The following ABL2 variants were observed in gnomAD, a reference collection of about 807,000 sequenced individuals.
The protein encoded by ABL2 is ABL proto-oncogene 2, non-receptor tyrosine kinase, also known as tyrosine-protein kinase ABL2.
Under a neutral mutation model 107.7 loss-of-function variants are expected in ABL2, and 49 were observed. The observed-to-expected ratio is 0.45, with a 90% CI of 0.36 to 0.58. The LOEUF is 0.58. ABL2 is among the 20% of genes least tolerant of loss of function. The pLI, the probability that ABL2 is intolerant of heterozygous loss-of-function variation, is 0.00. For synonymous variants in ABL2, 549 were observed against 548.6 expected, an observed-to-expected ratio of 1.00 and a Z score of -0.01; for missense variants, 1,245 against 1,457.0, an observed-to-expected ratio of 0.85 and a Z score of 2.37.
chr1:179,172,437 G>C (rs1659773861), intron 1 of ABL2, among the ~76,000 whole-genome samples: 1 of 152,176 alleles, frequency 6.6e-6, no homozygotes, highest in African/African-American at 2.4e-5. Context: ...GGTAACAGGA[G>C]AAAGAGAATG....
chr1:179,229,192 C>T (rs1237651372), intron 1 of ABL2, 49 bp downstream of exon 1: 3 of 1,106,910 alleles, frequency 2.7e-6, no homozygotes, highest in African/African-American at 1.7e-5. Context: ...GCCCCGACCC[C>T]ACCCCCGGCC....
At chr1:179,160,136 A>G (rs1658974116) in intron 1 of ABL2, among the ~76,000 whole-genome samples, 1 of 152,116 alleles carries the variant, frequency 6.6e-6, no homozygotes, top group Admixed American at 6.6e-5. Flanking sequence ...AAAAACATAC[A>G]TAACTTGTAT....
In ABL2 at chr1:179,121,695, T is replaced by G; in HGVS notation, c.860A>C (p.Asp287Ala). The change falls in exon 5 of 12, where the codon GAT (aspartate) becomes GCT (alanine). Residue 287 changes from aspartate to alanine, a missense_variant. Asp to Ala is a moderately radical substitution (Grantham distance 126). This residue lies in a region of ABL2 where 320 missense variants were observed against 547.0 expected (regional missense o/e 0.59). Transcript: ENST00000502732. The stretch of plus-strand genomic sequence containing the variant: ...CCCAAGTTTGTGCTTCATGGTAATA[T>G]CTGTTCGCTCCATTTCCCATTTGTC... ...IHDKWEMERT[D>A]ITMKHKLGGG... is the part of the protein sequence containing the mutation. 1 of 1,614,160 alleles carries G rather than the reference T, an allele frequency of 6.2e-7. No homozygotes were observed. The highest frequency in any genetic ancestry group is 8.5e-7 in the Non-Finnish European group (1 of 1,180,032).
chr1:179,184,498 A>T, intron 1 of ABL2: 1 of 760,452 alleles, frequency 1.3e-6, no homozygotes, highest in Non-Finnish European at 2.2e-6. Context: ...AAGTTCATCA[A>T]AGATGACATT....
At chr1:179,124,672 T>C (rs1262401023) in intron 4 of ABL2, among the ~76,000 whole-genome samples, 2 of 151,914 alleles carry the variant, frequency 1.3e-5, no homozygotes, top group African/African-American at 4.8e-5. Flanking sequence ...TTTCACCATG[T>C]TTGTGGGGCT....
intron 9 of ABL2, among the ~76,000 whole-genome samples, chr1:179,113,625 C>T (rs28913877): frequency 0.053 from 8,106 of 152,044 alleles, 288 homozygotes; most frequent in Middle Eastern, 0.11. Context: ...CATGGTGAAA[C>T]CTTGTCTCTA....
Position 179,106,289 on chromosome 1 carries a change from T to TAAGG in ABL2, c.*1425_*1428dup. 4.4e-6 allele frequency: 1 copy of TAAGG among 228,664 alleles called. No individual in the cohort carries two copies. The highest frequency in any genetic ancestry group is 1.3e-3 in the Middle Eastern group (1 of 770). The allele number at this position is 228,664 out of a possible 1,614,324, so 14.2% of individuals were successfully genotyped here. ...CCTAATTAGCTTCCACAATTATAAC[T>TAAGG]AAGGAAGGAAGGAAAAGGCCTATTT... On this transcript the variant is annotated 3_prime_UTR_variant, in exon 12 of 12. Coordinates refer to ENST00000502732, the MANE Select transcript of ABL2 (RefSeq NM_007314.4).
chr1:179,109,621 T>C lies in ABL2; in HGVS notation c.1826-180A>G, dbSNP rs28913885. Among the ~76,000 whole-genome samples, 343 of 151,954 alleles carry C rather than the reference T, an allele frequency of 2.3e-3. 1 individual carries two copies. The highest frequency in any genetic ancestry group is 8.1e-3 in the African/African-American group (334 of 41,442). On this transcript the variant is annotated intron_variant, in intron 11 of 11. Coordinates refer to ENST00000502732, the MANE Select transcript of ABL2 (RefSeq NM_007314.4). Reference sequence around the variant, plus strand: ...AGTGACTGGTGTTCCAAATGTGATGTAAGTTAAAAATGGGGGAAGATAGGG... The same window carrying C: ...AGTGACTGGTGTTCCAAATGTGATGCAAGTTAAAAATGGGGGAAGATAGGG...
chr1:179,120,509 C>T (rs909244331), intron 5 of ABL2, among the ~76,000 whole-genome samples: 1 of 152,148 alleles, frequency 6.6e-6, no homozygotes, highest in Admixed American at 6.5e-5. Context: ...ACTGCAACCT[C>T]CGCTTCCTGG....
At chr1:179,181,946 ATTTT>A (rs34828452) in intron 1 of ABL2, among the ~76,000 whole-genome samples, 1 of 91,208 alleles carries the variant, frequency 1.1e-5, no homozygotes, top group East Asian at 3.4e-4. Context: ...AGGCCCGGCT[ATTTT>A]TTTTTTTTTT....
At chr1:179,222,983 G>A (rs913654756) in intron 1 of ABL2, among the ~76,000 whole-genome samples, 9 of 151,532 alleles carry the variant, frequency 5.9e-5, no homozygotes, top group African/African-American at 2.2e-4. Context: ...GGTGGCAGCC[G>A]CCTGTAATCC....
At chr1:179,204,252 C>A (rs1307561152) in intron 1 of ABL2, among the ~76,000 whole-genome samples, 1 of 151,708 alleles carries the variant, frequency 6.6e-6, no homozygotes, top group Non-Finnish European at 1.5e-5. Flanking sequence ...ATCTCGAACT[C>A]CTGACCTCAG....
Position 179,107,693 on chromosome 1 carries a change from C to A in ABL2, c.*25G>T. The stretch of plus-strand genomic sequence containing the variant: ...TTCCCTCTCCCCTCAGAAATGTGTG[C>A]ATTTTCCCACCAGGCTAACAGTGGC... On this transcript the variant is annotated 3_prime_UTR_variant, in exon 12 of 12. Transcript: ENST00000502732. 2 of 1,565,254 alleles carry A rather than the reference C, an allele frequency of 1.3e-6. No homozygotes were observed. Among genetic ancestry groups the A allele is most frequent in the Admixed American group, 1.9e-5 (1 of 53,674 alleles).
intron 3 of ABL2, among the ~76,000 whole-genome samples, chr1:179,127,218 A>AAT (rs1367232393): frequency 6.6e-6 from 1 of 152,218 alleles, no homozygotes; most frequent in African/African-American, 2.4e-5. Context: ...ACAAAAAAAA[A>AAT]CACGGACCAC....
At chr1:179,193,585 T>C (rs1308954812) in intron 1 of ABL2, among the ~76,000 whole-genome samples, 2 of 152,104 alleles carry the variant, frequency 1.3e-5, no homozygotes, top group African/African-American at 4.8e-5. Flanking sequence ...TTTGTATTTT[T>C]AGTAGAGATG....
chr1:179,188,905 G>C (rs545996571), intron 1 of ABL2, among the ~76,000 whole-genome samples: 20 of 152,236 alleles, frequency 1.3e-4, no homozygotes, highest in African/African-American at 4.3e-4. Context: ...CTAGAGAAGA[G>C]GCTAAAGGGA....
chr1:179,133,467 G>T, intron 1 of ABL2, 93 bp from the exon 2 acceptor site: 1 of 1,602,504 alleles, frequency 6.2e-7, no homozygotes, highest in Non-Finnish European at 8.5e-7. Context: ...GCATTCAAAG[G>T]CCTTTCATGA....
intron 1 of ABL2, among the ~76,000 whole-genome samples, chr1:179,207,422 T>C (rs944432608): frequency 2.0e-5 from 3 of 152,320 alleles, no homozygotes; most frequent in Middle Eastern, 6.8e-3. Context: ...TACTACCTTG[T>C]ATTAAGGTCT....
intron 1 of ABL2, chr1:179,184,532 C>A: frequency 3.3e-6 from 2 of 613,782 alleles, no homozygotes; most frequent in South Asian, 3.7e-5. Flanking sequence ...TACAGTACTA[C>A]TTGGTTACCG....
Sources: allele counts gnomAD v4.1 joint callset (sites outside exome capture counted in the v4.1 genomes callset), GRCh38; gene constraint gnomAD v4.1.1; regional missense constraint gnomAD v4.1.1; transcripts MANE v1.5; gene names NCBI Gene and HGNC (gene_info 2026-07-23, HGNC 2026-07-21).